FGF12: variants seen among roughly 807,000 people sequenced by gnomAD.
FGF12 encodes the protein fibroblast growth factor 12B.
FGF12 carries 14 observed loss-of-function variants against 23.6 expected under a neutral mutation model. That is an observed-to-expected ratio of 0.59 (90% CI 0.39 to 0.93). The LOEUF is 0.93. FGF12 is among the 40% of genes least tolerant of loss of function. The pLI, the probability that FGF12 is intolerant of heterozygous loss-of-function variation, is 0.00. For missense variants in FGF12, 175 were observed against 217.8 expected (o/e 0.80, Z 1.24); for synonymous variants, 62 against 77.3 (o/e 0.80, Z 1.04).
At chr3:192,148,491 T>C (rs1455713325) in intron 5 of FGF12, among the ~76,000 whole-genome samples, 2 of 152,126 alleles carry the variant, frequency 1.3e-5, no homozygotes, top group Non-Finnish European at 2.9e-5. Context: ...AGAGTTTCAG[T>C]TGGGGGAGAT....
At chr3:192,355,977 C>T (rs779316351) in intron 3 of FGF12, among the ~76,000 whole-genome samples, 5 of 152,238 alleles carry the variant, frequency 3.3e-5, no homozygotes, top group Admixed American at 6.5e-5. Context: ...AGAAGGAGAC[C>T]AAGTCTTCTT....
chr3:192,211,377 A>G (rs1717919049), intron 4 of FGF12, among the ~76,000 whole-genome samples: 1 of 152,164 alleles, frequency 6.6e-6, no homozygotes, highest in South Asian at 2.1e-4. Flanking sequence ...AATCCTGGAC[A>G]TGAAAAAATC....
At chr3:192,314,755 A>G (rs951835056) in intron 4 of FGF12, among the ~76,000 whole-genome samples, 2 of 152,214 alleles carry the variant, frequency 1.3e-5, no homozygotes, top group African/African-American at 4.8e-5. Context: ...AATTGGTCTT[A>G]GGAAATAAAA....
chr3:192,683,292 C>A (rs373945638), intron 2 of FGF12, among the ~76,000 whole-genome samples: 2 of 152,272 alleles, frequency 1.3e-5, no homozygotes, highest in Non-Finnish European at 2.9e-5. Flanking sequence ...CGGTTAGTGT[C>A]AGATTTGACT....
At chr3:192,718,573 G>C (rs555891944) in intron 2 of FGF12, among the ~76,000 whole-genome samples, 2 of 152,236 alleles carry the variant, frequency 1.3e-5, no homozygotes, top group South Asian at 4.2e-4. Context: ...AAGATGGGGC[G>C]GGAATTAGGA....
intron 2 of FGF12, among the ~76,000 whole-genome samples, chr3:192,523,232 A>G (rs989369334): frequency 2.0e-5 from 3 of 152,186 alleles, no homozygotes; most frequent in Non-Finnish European, 4.4e-5. Flanking sequence ...ACCTAAGTGA[A>G]CATCATAACT....
intron 4 of FGF12, among the ~76,000 whole-genome samples, chr3:192,204,973 T>C (rs1025919763): frequency 6.6e-6 from 1 of 152,130 alleles, no homozygotes; most frequent in African/African-American, 2.4e-5. Flanking sequence ...CAGCTCTGCT[T>C]CATTATCTCT....
intron 2 of FGF12, among the ~76,000 whole-genome samples, chr3:192,371,980 G>A (rs1230375991): frequency 6.6e-6 from 1 of 152,104 alleles, no homozygotes; most frequent in Non-Finnish European, 1.5e-5. Flanking sequence ...GGAATAAAAA[G>A]CAAACACTAA....
chr3:192,232,703 A>G (rs977515997), intron 4 of FGF12, among the ~76,000 whole-genome samples: 2 of 151,564 alleles, frequency 1.3e-5, no homozygotes, highest in African/African-American at 4.9e-5. Flanking sequence ...CCCTCCTCCT[A>G]CCCTCCACCT....
intron 2 of FGF12, among the ~76,000 whole-genome samples, chr3:192,613,740 T>C (rs1239692948): frequency 6.6e-6 from 1 of 151,904 alleles, no homozygotes; most frequent in Non-Finnish European, 1.5e-5. Flanking sequence ...CAAGACACAT[T>C]CCTACTTACA....
At chr3:192,452,096 A>T (rs911211071) in intron 2 of FGF12, among the ~76,000 whole-genome samples, 7 of 152,192 alleles carry the variant, frequency 4.6e-5, no homozygotes, top group African/African-American at 7.2e-5. Context: ...GCAGAAAAGC[A>T]TCGATATTTA....
At chr3:192,624,532 T>A (rs1209441303) in intron 2 of FGF12, among the ~76,000 whole-genome samples, 1 of 152,124 alleles carries the variant, frequency 6.6e-6, no homozygotes, top group African/African-American at 2.4e-5. Flanking sequence ...CTCATGTGAA[T>A]AATACAAGTA....
chr3:192,691,270 A>T (rs1717934192), intron 2 of FGF12, among the ~76,000 whole-genome samples: 1 of 152,136 alleles, frequency 6.6e-6, no homozygotes, highest in African/African-American at 2.4e-5. Context: ...TGTCGAGTAT[A>T]GATTAAATGT....
chr3:192,613,709 T>C lies in FGF12; in HGVS notation c.13+113472A>G, dbSNP rs375564978. On this transcript the variant is annotated intron_variant, in intron 2 of 5. Coordinates refer to ENST00000445105, the MANE Select transcript of FGF12 (RefSeq NM_004113.6). ...AAGAGAAGTCAAAGGTGAATGATCC[T>C]AGGTACACCAAGCAAACTACCAAGA... is the stretch of plus-strand genomic sequence containing the variant. 1.1e-4 allele frequency among the ~76,000 whole-genome samples: 16 copies of C among 151,988 alleles called. 1 individual carries two copies. The East Asian group carries it at 2.9e-3, about 28-fold the overall frequency.
At chr3:192,243,593 T>C (rs1719733701) in intron 4 of FGF12, among the ~76,000 whole-genome samples, 1 of 150,748 alleles carries the variant, frequency 6.6e-6, no homozygotes, top group African/African-American at 2.4e-5. Flanking sequence ...AAGCATAAAA[T>C]TTTAAACAAT....
At chr3:192,711,572 C>T (rs1718682236) in intron 2 of FGF12, among the ~76,000 whole-genome samples, 1 of 152,162 alleles carries the variant, frequency 6.6e-6, no homozygotes, top group Admixed American at 6.5e-5. Flanking sequence ...AAGAAGTAGA[C>T]ATAGGAGACT....
chr3:192,179,111 C>T (rs1716023293), intron 4 of FGF12, among the ~76,000 whole-genome samples: 1 of 151,976 alleles, frequency 6.6e-6, no homozygotes, highest in South Asian at 2.1e-4. Context: ...ATATTGTTTT[C>T]CATCCTGACA....
rs1721128833 is a variant in FGF12 at position 192,409,782 on chromosome 3, G to C, written c.14-49244C>G. ...CGCGAGGCAGCCGAGGGCGCAACCCGGGCGCTTGGGGCCGGAGGCGGAATC... is the reference window on the plus strand; with the variant it reads ...CGCGAGGCAGCCGAGGGCGCAACCCCGGCGCTTGGGGCCGGAGGCGGAATC... On this transcript the variant is annotated intron_variant, in intron 2 of 5. Coordinates refer to ENST00000445105, the MANE Select transcript of FGF12 (RefSeq NM_004113.6). The surrounding 1 kb of genome is among the most constrained non-coding windows in gnomAD (Gnocchi z 4.8). Among the ~76,000 whole-genome samples the C allele has an allele frequency of 6.6e-6, 1 of 152,060 alleles. No individual in the cohort carries two copies. The highest frequency in any genetic ancestry group is 2.1e-4 in the South Asian group (1 of 4,828).
chr3:192,518,350 C>T (rs1724731746), intron 2 of FGF12, among the ~76,000 whole-genome samples: 2 of 151,962 alleles, frequency 1.3e-5, no homozygotes, highest in Non-Finnish European at 2.9e-5. Flanking sequence ...ATTCCTAGTA[C>T]CTAAATTTTT....
Sources: gnomAD v4.1 joint callset for allele counts (sites outside exome capture counted in the v4.1 genomes callset) on GRCh38, gnomAD v4.1.1 for gene constraint, Gnocchi (gnomAD v3.1) non-coding constraint, MANE v1.5 for transcripts, NCBI Gene and HGNC (gene_info 2026-07-23, HGNC 2026-07-21) for gene names.